C10orf90: variants seen among roughly 807,000 people sequenced by gnomAD.
The protein encoded by C10orf90 is chromosome 10 open reading frame 90, also known as (E2-independent) E3 ubiquitin-conjugating enzyme FATS.
In C10orf90, 56 loss-of-function variants were observed where a neutral mutation model predicts 62.5. The ratio of observed to expected loss-of-function variants is 0.90; its 90% CI spans 0.72 to 1.12. The LOEUF is 1.12. Among genes scored for constraint, C10orf90 ranks in the 50% most tolerant of loss-of-function variants. C10orf90 has a pLI of 0.00. For missense variants in C10orf90, 970 were observed against 880.4 expected, an observed-to-expected ratio of 1.10 and a Z score of -1.29; for synonymous variants, 386 against 340.4, an observed-to-expected ratio of 1.13 and a Z score of -1.47.
chr10:126,597,665 G>A (rs1252190077), intron 2 of C10orf90, among the ~76,000 whole-genome samples: 2 of 152,150 alleles, frequency 1.3e-5, no homozygotes, highest in Non-Finnish European at 2.9e-5. Context: ...TGGCGATGAT[G>A]GATAGAACTG....
chr10:126,555,601 C>T (rs553265282), intron 2 of C10orf90, among the ~76,000 whole-genome samples: 1 of 151,774 alleles, frequency 6.6e-6, no homozygotes, highest in South Asian at 2.1e-4. Flanking sequence ...ATCGCTTGAA[C>T]CTGGGAGGTG....
At chr10:126,474,576 T>G (rs1010028357) in intron 4 of C10orf90, among the ~76,000 whole-genome samples, 1 of 151,988 alleles carries the variant, frequency 6.6e-6, no homozygotes, top group South Asian at 2.1e-4. Flanking sequence ...AATAAACAGA[T>G]GTAAATGCAT....
intron 2 of C10orf90, among the ~76,000 whole-genome samples, chr10:126,621,258 T>C (rs1196336097): frequency 6.6e-6 from 1 of 152,256 alleles, no homozygotes; most frequent in East Asian, 1.9e-4. Flanking sequence ...AATTGTGAAT[T>C]AATTTACATT....
At chr10:126,624,563 T>C (rs1454335628) in intron 2 of C10orf90, among the ~76,000 whole-genome samples, 1 of 152,138 alleles carries the variant, frequency 6.6e-6, no homozygotes, top group Non-Finnish European at 1.5e-5. Context: ...AGGAACTAAG[T>C]AGGCTTCTGG....
At chr10:126,577,904 A>C (rs1350465197) in intron 2 of C10orf90, among the ~76,000 whole-genome samples, 1 of 152,156 alleles carries the variant, frequency 6.6e-6, no homozygotes, top group Non-Finnish European at 1.5e-5. Context: ...CTTTCAAAAA[A>C]AGGGATTGTG....
chr10:126,580,871 G>A (rs186739450), intron 2 of C10orf90, among the ~76,000 whole-genome samples: 72 of 152,056 alleles, frequency 4.7e-4, no homozygotes, highest in Non-Finnish European at 6.3e-4. Context: ...GTGTTTTCTG[G>A]ACACATTTCC....
At chr10:126,508,158 T>TGAGAGAGAGAAA (rs545830143) in intron 3 of C10orf90, among the ~76,000 whole-genome samples, 1,726 of 131,506 alleles carry the variant, frequency 0.013, 42 homozygotes, top group African/African-American at 0.05. Context: ...AATGAGTGAG[T>TGAGAGAGAGAAA]GAGAGAGAGA....
chr10:126,539,771 T>C (rs974746662), intron 2 of C10orf90, among the ~76,000 whole-genome samples: 7 of 152,214 alleles, frequency 4.6e-5, no homozygotes, highest in African/African-American at 1.7e-4. Context: ...GACTTGTGAA[T>C]TTTTTAATTT....
intron 1 of C10orf90, among the ~76,000 whole-genome samples, chr10:126,655,101 A>G (rs1342004388): frequency 6.6e-6 from 1 of 152,140 alleles, no homozygotes; most frequent in Non-Finnish European, 1.5e-5. Flanking sequence ...CAGGTGGATC[A>G]TGAGGTCAGG....
intron 2 of C10orf90, among the ~76,000 whole-genome samples, chr10:126,554,688 A>C (rs992864604): frequency 6.6e-6 from 1 of 152,352 alleles, no homozygotes; most frequent in African/African-American, 2.4e-5. Context: ...CTTTCTCTGG[A>C]AACACTGCAG....
At chr10:126,512,203 A>G (rs970258360) in intron 3 of C10orf90, 1 of 151,920 alleles carries the variant, frequency 6.6e-6, no homozygotes. Context: ...AGAAGGTATA[A>G]TTTCCAGAGT....
intron 7 of C10orf90, among the ~76,000 whole-genome samples, chr10:126,448,234 A>T (rs1310456004): frequency 6.6e-6 from 1 of 151,842 alleles, no homozygotes; most frequent in Non-Finnish European, 1.5e-5. Flanking sequence ...AATTTTTGAA[A>T]ATTCATAGAT....
intron 2 of C10orf90, chr10:126,524,970 A>T: frequency 1.6e-6 from 1 of 622,134 alleles, no homozygotes; most frequent in Non-Finnish European, 2.0e-6. Flanking sequence ...TTGATTTCAG[A>T]GGGGACCATT....
chr10:126,450,607 C>T (rs1564800476), intron 7 of C10orf90, among the ~76,000 whole-genome samples: 1 of 152,034 alleles, frequency 6.6e-6, no homozygotes. Flanking sequence ...AAAATCTCTT[C>T]AACAAATTGA....
chr10:126,529,729 C>T (rs1323253826), intron 2 of C10orf90, among the ~76,000 whole-genome samples: 1 of 152,190 alleles, frequency 6.6e-6, no homozygotes, highest in Admixed American at 6.5e-5. Flanking sequence ...TTGGTGAGGA[C>T]ATCAGACAAC....
chr10:126,565,375 A>AATAATATATATTATATATATTATATTAT (rs1844351485), intron 2 of C10orf90, among the ~76,000 whole-genome samples: 3 of 35,436 alleles, frequency 8.5e-5, no homozygotes, highest in African/African-American at 9.9e-5. Flanking sequence ...TATTTTATAT[A>AATAATATATATTATATATATTATATTAT]ATAATATATA....
chr10:126,621,358 T>C (rs976463423), intron 2 of C10orf90, among the ~76,000 whole-genome samples: 2 of 152,264 alleles, frequency 1.3e-5, no homozygotes, highest in African/African-American at 4.8e-5. Flanking sequence ...TTAATATTTT[T>C]CTTATCAATT....
intron 2 of C10orf90, among the ~76,000 whole-genome samples, chr10:126,566,393 A>G (rs1224713171): frequency 6.6e-6 from 1 of 152,210 alleles, no homozygotes; most frequent in Non-Finnish European, 1.5e-5. Context: ...ACTCAGAGGA[A>G]GAGTATAGGC....
intron 4 of C10orf90, among the ~76,000 whole-genome samples, chr10:126,483,419 C>CAATTATA (rs1333864434): frequency 6.6e-5 from 10 of 152,124 alleles, no homozygotes; most frequent in African/African-American, 2.4e-4. Context: ...GTGAAAAATC[C>CAATTATA]TCTCTCAATC....
Sources: gnomAD v4.1 joint callset for allele counts (sites outside exome capture counted in the v4.1 genomes callset) on GRCh38, gnomAD v4.1.1 for gene constraint, MANE v1.5 for transcripts, NCBI Gene and HGNC (gene_info 2026-07-23, HGNC 2026-07-21) for gene names.